Variants in PTPRC observed in about 807,000 individuals in gnomAD.
PTPRC encodes receptor-type tyrosine-protein phosphatase C.
A neutral mutation model predicts 155.9 loss-of-function variants in PTPRC; 44 were observed. The ratio of observed to expected loss-of-function variants is 0.28; its 90% CI spans 0.22 to 0.36. PTPRC has a LOEUF of 0.36. Among genes scored for constraint, PTPRC ranks in the 10% least tolerant of loss-of-function variants. The pLI is 1.00. For synonymous variants in PTPRC, 525 were observed against 533.1 expected (o/e 0.98, Z 0.21); for missense variants, 1,401 against 1,564.6 (o/e 0.90, Z 1.76).
intron 28 of PTPRC, among the ~76,000 whole-genome samples, chr1:198,749,827 A>T (rs539966372): frequency 6.6e-6 from 1 of 151,978 alleles, no homozygotes; most frequent in Non-Finnish European, 1.5e-5. Context: ...AAATAGTAAA[A>T]TTTGAGCAAA....
At chr1:198,646,998 C>T (rs1157845310) in intron 2 of PTPRC, among the ~76,000 whole-genome samples, 1 of 151,810 alleles carries the variant, frequency 6.6e-6, no homozygotes, top group African/African-American at 2.4e-5. Context: ...TATCTCTAAC[C>T]ACTTTGTGAC....
At chr1:198,696,968 A>C (rs1666235657) in intron 4 of PTPRC, 59 bp downstream of exon 4, 21 of 1,401,560 alleles carry the variant, frequency 1.5e-5, no homozygotes, top group South Asian at 4.6e-5. Flanking sequence ...AAAATTCTAC[A>C]GTTATCAGTA....
Position 198,716,751 on chromosome 1 carries a change from A to T in PTPRC, c.1361A>T (p.Lys454Ile), listed in dbSNP as rs759520877. 6.2e-6 allele frequency: 10 copies of T among 1,613,016 alleles called. No homozygotes were observed. The highest frequency in any genetic ancestry group is 7.6e-6 in the Non-Finnish European group (9 of 1,179,860). ...TTGCAAAATTTAAAACCTTATACGA[A>T]ATATGTTTTATCATTACATGCCTAC... ...YDLQNLKPYT[K>I]YVLSLHAYII... The change falls in exon 13 of 33, where the codon AAA becomes ATA. Residue 454 changes from lysine (K) to isoleucine (I), a missense_variant. Transcript: ENST00000442510.
intron 11 of PTPRC, among the ~76,000 whole-genome samples, chr1:198,712,622 C>T (rs972787052): frequency 1.3e-5 from 2 of 152,044 alleles, no homozygotes; most frequent in Admixed American, 6.5e-5. Context: ...AGATTTTTAG[C>T]ACAGCAAAAT....
intron 3 of PTPRC, among the ~76,000 whole-genome samples, chr1:198,695,890 G>C (rs1209264573): frequency 6.6e-6 from 1 of 152,112 alleles, no homozygotes; most frequent in Non-Finnish European, 1.5e-5. Flanking sequence ...GGCCAGGCGT[G>C]GTGGCTCACG....
chr1:198,668,792 A>G (rs1557982320), intron 2 of PTPRC, among the ~76,000 whole-genome samples: 1 of 152,194 alleles, frequency 6.6e-6, no homozygotes, highest in African/African-American at 2.4e-5. Flanking sequence ...GAGTTGGGGA[A>G]TCCATTTCTT....
At chr1:198,751,401 C>G (rs1484214839) in intron 29 of PTPRC, among the ~76,000 whole-genome samples, 1 of 151,990 alleles carries the variant, frequency 6.6e-6, no homozygotes, top group Non-Finnish European at 1.5e-5. Context: ...TATGTTCAAG[C>G]CTATTCAGTG....
intron 14 of PTPRC, among the ~76,000 whole-genome samples, chr1:198,719,460 A>T (rs1398185396): frequency 3.9e-5 from 6 of 152,206 alleles, no homozygotes; most frequent in Non-Finnish European, 8.8e-5. Context: ...TTTGTCTTAC[A>T]TAATTCCCCT....
intron 24 of PTPRC, 30 bp from the exon 25 acceptor site, chr1:198,742,202 G>A: frequency 6.2e-7 from 1 of 1,612,034 alleles, no homozygotes; most frequent in Non-Finnish European, 8.5e-7. Context: ...CCATGATCAT[G>A]CCTCTGCTTT....
intron 12 of PTPRC, among the ~76,000 whole-genome samples, chr1:198,714,813 G>GAT (rs1653493756): frequency 6.6e-6 from 1 of 152,124 alleles, no homozygotes; most frequent in South Asian, 2.1e-4. Flanking sequence ...GAAAGTCTAT[G>GAT]AAATTTGCAG....
intron 25 of PTPRC, among the ~76,000 whole-genome samples, chr1:198,742,747 A>C (rs1271112548): frequency 1.3e-5 from 2 of 151,888 alleles, no homozygotes; most frequent in African/African-American, 4.8e-5. Flanking sequence ...ACAGGTTTCA[A>C]ATCTTGCTTT....
At chr1:198,734,686 G>T (rs1428909771) in intron 22 of PTPRC, among the ~76,000 whole-genome samples, 1 of 151,670 alleles carries the variant, frequency 6.6e-6, no homozygotes, top group African/African-American at 2.4e-5. Context: ...TTTCTTTGCA[G>T]TATTGTTATA....
intron 2 of PTPRC, among the ~76,000 whole-genome samples, chr1:198,658,733 ACTTCTGTTCTT>A (rs1355780940): frequency 9.9e-5 from 15 of 152,224 alleles, no homozygotes; most frequent in African/African-American, 3.6e-4. Context: ...ATGGAATTGC[ACTTCTGTTCTT>A]ATTATGTTCC....
At chr1:198,755,613 A>G (rs1655607681) in intron 32 of PTPRC, among the ~76,000 whole-genome samples, 2 of 152,102 alleles carry the variant, frequency 1.3e-5, no homozygotes, top group African/African-American at 4.8e-5. Flanking sequence ...AGACAGGAGG[A>G]TAAGTACAAA....
rs1664876907 is a variant in PTPRC at position 198,675,126 on chromosome 1, TA to T, written c.74-17216del. The stretch of plus-strand genomic sequence containing the variant: ...AAATAGCATGTGAATTTCACCTAAC[TA>T]AAAAGTTTATTTGATCCAAAGCCCT... On this transcript the variant is annotated intron_variant, in intron 2 of 32. Coordinates refer to ENST00000442510, the MANE Select transcript of PTPRC (RefSeq NM_002838.5). Among the ~76,000 whole-genome samples the T allele has an allele frequency of 2.6e-5, 4 of 152,250 alleles. No homozygotes were observed. In the East Asian group the frequency reaches 7.7e-4, roughly 29 times the overall value.
intron 16 of PTPRC, 76 bp from the exon 17 acceptor site, chr1:198,729,061 A>G: frequency 6.6e-7 from 1 of 1,514,518 alleles, no homozygotes; most frequent in Non-Finnish European, 9.0e-7. Context: ...CAATATATTC[A>G]TTAAATATAA....
Position 198,708,261 on chromosome 1 carries a change from G to T in PTPRC, c.1033G>T (p.Gly345Cys). 1 of 1,604,222 alleles carries T rather than the reference G, an allele frequency of 6.2e-7. No homozygotes were observed. The highest frequency in any genetic ancestry group is 8.5e-7 in the Non-Finnish European group (1 of 1,173,030). Residue 345 changes from glycine to cysteine, a missense_variant and splice_region_variant, in exon 10 of 33, where the codon GGT (glycine) becomes TGT (cysteine). Transcript: ENST00000442510. ...TQNITYRFQCGNMIFDNKEIK... is the reference protein window; with the variant it reads ...TQNITYRFQCCNMIFDNKEIK... ...GAATATTACCTACAGATTTCAGTGT[G>T]GTAAGAATATAACATTGACCAGAGA... is the stretch of plus-strand genomic sequence containing the variant.
At chr1:198,708,330 T>G in intron 10 of PTPRC, 69 bp downstream of exon 10, 2 of 1,459,414 alleles carry the variant, frequency 1.4e-6, no homozygotes, top group Non-Finnish European at 1.9e-6. Flanking sequence ...TTATTTAATC[T>G]TACTCTCTGC....
intron 2 of PTPRC, chr1:198,657,865 T>C (rs1663685836): frequency 6.6e-6 from 1 of 152,182 alleles, no homozygotes; most frequent in South Asian, 2.1e-4. Flanking sequence ...CTTGTTGACA[T>C]TGGCTTTCTT....
Sources: allele counts gnomAD v4.1 joint callset (sites outside exome capture counted in the v4.1 genomes callset), GRCh38; gene constraint gnomAD v4.1.1; transcripts MANE v1.5; gene names NCBI Gene and HGNC (gene_info 2026-07-23, HGNC 2026-07-21).